Variants in RBFOX1 observed in about 807,000 individuals in gnomAD.
The protein encoded by RBFOX1 is RNA binding fox-1 homolog 1.
In RBFOX1, 8 loss-of-function variants were observed where a neutral mutation model predicts 57.7. That is an observed-to-expected ratio of 0.14 (90% CI 0.08 to 0.25). The LOEUF is 0.25. RBFOX1 is among the 10% of genes least tolerant of loss of function. RBFOX1 has a pLI of 1.00. For missense variants in RBFOX1, 611 were observed against 548.5 expected, an observed-to-expected ratio of 1.11 and a Z score of -1.14; for synonymous variants, 326 against 222.4, an observed-to-expected ratio of 1.47 and a Z score of -4.15.
At chr16:5,523,481 T>C (rs2151017211) in intron 2 of RBFOX1, among the ~76,000 whole-genome samples, 1 of 152,166 alleles carries the variant, frequency 6.6e-6, no homozygotes, top group South Asian at 2.1e-4. Flanking sequence ...CCAGGTGTGA[T>C]GGTGAGTGTC....
At chr16:6,360,774 G>A (rs577943738) in intron 2 of RBFOX1, among the ~76,000 whole-genome samples, 1 of 152,254 alleles carries the variant, frequency 6.6e-6, no homozygotes, top group Admixed American at 6.5e-5. Context: ...AGATGACTAA[G>A]GATGGGGCCA....
At chr16:5,731,557 G>A (rs970782523) in intron 3 of RBFOX1, among the ~76,000 whole-genome samples, 1 of 152,120 alleles carries the variant, frequency 6.6e-6, no homozygotes, top group Non-Finnish European at 1.5e-5. Context: ...AGGGGTAGAG[G>A]GGCTCTCTTG....
In RBFOX1 at chr16:6,019,748, C is replaced by A. The variant is rs1272098733; in HGVS notation, c.-371C>A. The A allele has an allele frequency of 7.3e-6, 10 of 1,378,114 alleles. No homozygotes were observed. In the East Asian group the frequency reaches 2.2e-4, roughly 31 times the overall value. The allele number at this position is 1,378,114 out of a possible 1,614,324, so 85.4% of individuals were successfully genotyped here. A position where few individuals can be genotyped will look rare whatever the true frequency, so the allele number is the denominator to read the frequency against. ...GCGCGCCCGGGATTGAGAGTCCTTG[C>A]GCTCCAGACCCCCACCCAGTGGCCG... On this transcript the variant is annotated 5_prime_UTR_variant, in exon 1 of 16. Coordinates refer to ENST00000550418, the MANE Select transcript of RBFOX1 (RefSeq NM_018723.4). This position sits in a 1 kb window ranked among gnomAD's most constrained non-coding sequence, Gnocchi z 4.2.
At chr16:5,835,135 T>A (rs2056418257) in intron 3 of RBFOX1, among the ~76,000 whole-genome samples, 1 of 151,928 alleles carries the variant, frequency 6.6e-6, no homozygotes, top group Admixed American at 6.6e-5. Flanking sequence ...CCCCCAGAAG[T>A]ATAATGGGGC....
rs944094060 is a variant in RBFOX1, at chr16:6,715,422, T to C, written c.-16+60772T>C. On this transcript the variant is annotated intron_variant, in intron 3 of 15. Coordinates refer to ENST00000550418, the MANE Select transcript of RBFOX1 (RefSeq NM_018723.4). The stretch of plus-strand genomic sequence containing the variant: ...TATAAATATGTGATGCCATTTAACA[T>C]AGCAAGCCATCAGGTTAGTAAACAA... 5.3e-5 allele frequency among the ~76,000 whole-genome samples: 8 copies of C among 152,146 alleles called. No individual in the cohort carries two copies. In the East Asian group the frequency reaches 1.3e-3, roughly 26 times the overall value.
intron 3 of RBFOX1, among the ~76,000 whole-genome samples, chr16:6,895,416 A>ATGTGTGTGTGTGTG (rs1283665182): frequency 1.0e-4 from 8 of 79,886 alleles, no homozygotes; most frequent in African/African-American, 3.6e-4. Flanking sequence ...TGTTAGTAAT[A>ATGTGTGTGTGTGTG]TATGTGTGTG....
At chr16:7,673,084 C>T (rs1315376898) in intron 13 of RBFOX1, among the ~76,000 whole-genome samples, 1 of 152,056 alleles carries the variant, frequency 6.6e-6, no homozygotes, top group Non-Finnish European at 1.5e-5. Context: ...TTCCTATGCA[C>T]TCCAGCTGAA....
intron 3 of RBFOX1, among the ~76,000 whole-genome samples, chr16:6,680,370 C>CGGGGG (rs2058465241): frequency 6.8e-6 from 1 of 148,132 alleles, no homozygotes; most frequent in South Asian, 2.2e-4. Flanking sequence ...TCACGCCATT[C>CGGGGG]TCCTGCCTCA....
At chr16:6,294,017 ATC>A (rs2152727767) in intron 1 of RBFOX1, among the ~76,000 whole-genome samples, 1 of 152,280 alleles carries the variant, frequency 6.6e-6, no homozygotes, top group East Asian at 1.9e-4. Context: ...TAAACCAGAG[ATC>A]AAAAAGTCAA....
At chr16:6,278,813 G>C (rs1158103705) in intron 1 of RBFOX1, among the ~76,000 whole-genome samples, 3 of 152,088 alleles carry the variant, frequency 2.0e-5, no homozygotes, top group African/African-American at 7.2e-5. Flanking sequence ...ATTGTTTAAA[G>C]ACAGCTTAAC....
At chr16:5,394,922 G>T (rs1372195914) in intron 1 of RBFOX1, among the ~76,000 whole-genome samples, 2 of 152,070 alleles carry the variant, frequency 1.3e-5, no homozygotes, top group South Asian at 2.1e-4. Flanking sequence ...ATCCTCACTG[G>T]CCACCTTGTG....
chr16:7,652,624 T>C (rs1597352290), intron 11 of RBFOX1, among the ~76,000 whole-genome samples: 1 of 152,164 alleles, frequency 6.6e-6, no homozygotes, highest in African/African-American at 2.4e-5. Flanking sequence ...GCCAGGCTGG[T>C]CTCGAACTCC....
At chr16:5,394,108 C>G (rs1404019898) in intron 1 of RBFOX1, among the ~76,000 whole-genome samples, 1 of 152,108 alleles carries the variant, frequency 6.6e-6, no homozygotes, top group African/African-American at 2.4e-5. Context: ...ACTGCAGCCT[C>G]CACCTCCTGG....
At chr16:5,519,160 C>G (rs1361976944) in intron 2 of RBFOX1, among the ~76,000 whole-genome samples, 1 of 152,174 alleles carries the variant, frequency 6.6e-6, no homozygotes, top group East Asian at 1.9e-4. Context: ...AAGTAAATTT[C>G]TGTTGTTTAA....
chr16:7,388,011 A>C (rs936477015), intron 4 of RBFOX1, among the ~76,000 whole-genome samples: 4 of 152,048 alleles, frequency 2.6e-5, no homozygotes, highest in Non-Finnish European at 5.9e-5. Flanking sequence ...CAAAGCAAAC[A>C]AAACAAAACA....
chr16:7,643,927 G>A (rs1170021228), intron 11 of RBFOX1, among the ~76,000 whole-genome samples: 1 of 152,138 alleles, frequency 6.6e-6, no homozygotes, highest in African/African-American at 2.4e-5. Context: ...ATCTCTGGGA[G>A]GACTGTCAAC....
chr16:7,287,221 A>G (rs956845750), intron 4 of RBFOX1, among the ~76,000 whole-genome samples: 1 of 152,200 alleles, frequency 6.6e-6, no homozygotes, highest in Non-Finnish European at 1.5e-5. Context: ...ATCTATGTAC[A>G]AAGAGCTAGT....
chr16:6,672,352 G>C (rs541466895), intron 3 of RBFOX1, among the ~76,000 whole-genome samples: 1 of 151,384 alleles, frequency 6.6e-6, no homozygotes, highest in South Asian at 2.1e-4. Context: ...GGAGGGAGGA[G>C]AGTGAGAGAG....
chr16:6,653,808 G>A (rs575513666), intron 2 of RBFOX1, among the ~76,000 whole-genome samples: 6 of 151,594 alleles, frequency 4.0e-5, no homozygotes, highest in South Asian at 2.1e-4. Flanking sequence ...ATGAGTAGAC[G>A]GATGAATGGG....
Sources: allele counts gnomAD v4.1 joint callset (sites outside exome capture counted in the v4.1 genomes callset), GRCh38; gene constraint gnomAD v4.1.1; non-coding constraint Gnocchi (gnomAD v3.1); transcripts MANE v1.5; gene names NCBI Gene and HGNC (gene_info 2026-07-23, HGNC 2026-07-21).